The following ACSS2 variants were observed in gnomAD, a reference collection of about 807,000 sequenced individuals.
ACSS2 encodes acetyl-coenzyme A synthetase, cytoplasmic.
In ACSS2, 58 loss-of-function variants were observed where a neutral mutation model predicts 90.6. The observed-to-expected ratio is 0.64, with a 90% confidence interval of 0.52 to 0.80. The LOEUF is 0.80. Ranked by LOEUF, ACSS2 falls within the 30% of genes least tolerant of loss-of-function variation. ACSS2 has a pLI of 0.00. For missense variants in ACSS2, 759 were observed against 912.0 expected (o/e 0.83, Z 2.16); for synonymous variants, 300 against 330.9 (o/e 0.91, Z 1.01).
chr20:34,890,307 G>C (rs1161526259), intron 2 of ACSS2, among the ~76,000 whole-genome samples: 1 of 152,168 alleles, frequency 6.6e-6, no homozygotes, highest in African/African-American at 2.4e-5. Flanking sequence ...ACAGACTTTG[G>C]TTCCAACTTT....
chr20:34,876,846 C>T (rs2079926358), intron 1 of ACSS2, 23 bp downstream of exon 1: 8 of 1,269,396 alleles, frequency 6.3e-6, no homozygotes, highest in South Asian at 5.7e-5. Flanking sequence ...CCGGGCGGGC[C>T]TGGGGTGTCA....
rs558253331 is a variant in ACSS2, at chr20:34,914,350, G to T, written c.747G>T (p.Val249=). The change falls in exon 7 of 18, where the codon GTG becomes GTT. Residue 249 remains valine, a synonymous_variant. Transcript: ENST00000360596. ...EKGFPVRCCI[V]VKHLGRAELG... ...GTTTCCCAGTAAGATGCTGCATTGT[G>T]GTCAAGCACCTGGGGCGGGCAGAGC... is the stretch of plus-strand genomic sequence containing the variant. The T allele has an allele frequency of 9.9e-6, 16 of 1,613,786 alleles. No individual in the cohort carries two copies. In the South Asian group the frequency reaches 1.5e-4, roughly 16 times the overall value.
chr20:34,919,294 C>T, intron 7 of ACSS2, 141 bp from the exon 8 acceptor site: 1 of 1,328,748 alleles, frequency 7.5e-7, no homozygotes, highest in South Asian at 1.3e-5. Context: ...TCTTTCTGTT[C>T]CATTCCATCC....
intron 2 of ACSS2, among the ~76,000 whole-genome samples, chr20:34,905,556 G>A (rs1431145114): frequency 6.6e-6 from 1 of 152,162 alleles, no homozygotes; most frequent in Non-Finnish European, 1.5e-5. Context: ...CACCGTGCCT[G>A]GCCAATTCAA....
chr20:34,878,025 C>G (rs530387087), intron 1 of ACSS2, among the ~76,000 whole-genome samples: 4 of 152,158 alleles, frequency 2.6e-5, no homozygotes, highest in Non-Finnish European at 5.9e-5. Flanking sequence ...CCTGCATCTC[C>G]TGGGCTCATG....
At position 34,882,450 on chromosome 20, in the gene ACSS2, C is replaced by T. The variant is rs571073520; in HGVS notation, c.179-344C>T. On this transcript the variant is annotated intron_variant, in intron 1 of 17. Transcript: ENST00000360596. The stretch of plus-strand genomic sequence containing the variant: ...CAGCCTGGCCAACATAGTGAAACCC[C>T]GTCTCTACTAAAAATACAAAAATTA... Among the ~76,000 whole-genome samples, 217 of 152,038 alleles carry T rather than the reference C, an allele frequency of 1.4e-3. 1 individual carries two copies. Among genetic ancestry groups the T allele is most frequent in the African/African-American group, 5.0e-3 (206 of 41,468 alleles).
chr20:34,878,565 A>C (rs1056911444), intron 1 of ACSS2, among the ~76,000 whole-genome samples: 2 of 152,230 alleles, frequency 1.3e-5, no homozygotes, highest in Non-Finnish European at 2.9e-5. Context: ...CAAGTAATGC[A>C]AGACAGGATT....
Position 34,882,989 on chromosome 20 carries a change from G to A in ACSS2, c.374G>A (p.Trp125Ter). The A allele has an allele frequency of 6.3e-7, 1 of 1,599,382 alleles. No individual in the cohort carries two copies. The highest frequency in any genetic ancestry group is 1.7e-5 in the Admixed American group (1 of 57,362). ...CTTGGAGATAAAGTTGCTTTTTACT[G>A]GTAAAAATATCTATCTTATACTTGG... Reference protein sequence around the residue: ...KKLGDKVAFYWEGNEPGETTQ... With the variant: ...KKLGDKVAFY The change falls in exon 2 of 18, where the codon TGG (tryptophan) becomes TAG (stop). Residue 125 changes from tryptophan to a stop codon, truncating the protein, a stop_gained and splice_region_variant. Coordinates refer to ENST00000360596, the MANE Select transcript of ACSS2 (RefSeq NM_018677.4). LOFTEE classifies it high-confidence loss of function.
rs2081151614 is a variant in ACSS2, at chr20:34,919,582, T to A, written c.972+10T>A. 2.9e-6 allele frequency: 2 copies of A among 700,934 alleles called. No individual in the cohort carries two copies. Among genetic ancestry groups the A allele is most frequent in the Middle Eastern group, 5.7e-4 (1 of 1,752 alleles). 43.4% of individuals were successfully genotyped at this position (700,934 alleles called of 1,614,324 possible). A position where few individuals can be genotyped will look rare whatever the true frequency, so the allele number is the denominator to read the frequency against. ...CACAGGCAAACCCAAGGCAAGTGTG[T>A]GTGTGTGTGTGTGTGTGTGTGTGTG... is the stretch of plus-strand genomic sequence containing the variant. On this transcript the variant is annotated intron_variant, in intron 8 of 17. Coordinates refer to ENST00000360596, the MANE Select transcript of ACSS2 (RefSeq NM_018677.4).
At chr20:34,900,585 C>T (rs2080633922) in intron 2 of ACSS2, among the ~76,000 whole-genome samples, 1 of 152,178 alleles carries the variant, frequency 6.6e-6, no homozygotes, top group Non-Finnish European at 1.5e-5. Flanking sequence ...AGGCTATTTA[C>T]TCTAGTTTCA....
intron 4 of ACSS2, 120 bp from the exon 5 acceptor site, chr20:34,913,633 A>T (rs2081014123): frequency 8.0e-7 from 1 of 1,256,736 alleles, no homozygotes; most frequent in Admixed American, 1.8e-5. Context: ...CATATTAGTT[A>T]TTCAGTTTCT....
chr20:34,913,101 G>A lies in ACSS2; in HGVS notation c.380G>A (p.Gly127Asp). ...TTCTTTCTGGTATGTCTCAGGGAGG[G>A]CAATGAGCCAGGGGAGACCACTCAG... ...LGDKVAFYWE[G>D]NEPGETTQIT... Residue 127 changes from glycine (G) to aspartate (D), a missense_variant, in exon 3 of 18, where the codon GGC (glycine) becomes GAC (aspartate). Transcript: ENST00000360596. 6.2e-7 allele frequency: 1 copy of A among 1,613,610 alleles called. No homozygotes were observed. The highest frequency in any genetic ancestry group is 8.5e-7 in the Non-Finnish European group (1 of 1,179,572).
chr20:34,876,709 G>A lies in ACSS2; in HGVS notation c.64G>A (p.Ala22Thr), dbSNP rs1303664140. The change falls in exon 1 of 18, where the codon GCC becomes ACC. Residue 22 changes from alanine (A) to threonine (T), a missense_variant. Physicochemically the swap from Ala to Thr is moderately conservative, Grantham distance 58. Transcript: ENST00000360596. ...GAGCCGGGGCCAGGAGGAAGCTGGA[G>A]CCGGAGGCCGGGCGCGGAGTTGGTC... Reference protein sequence around the residue: ...SGSRGQEEAGAGGRARSWSPP... With the variant: ...SGSRGQEEAGTGGRARSWSPP... 2.8e-6 allele frequency: 4 copies of A among 1,443,286 alleles called. No homozygotes were observed. Among genetic ancestry groups the A allele is most frequent in the African/African-American group, 3.0e-5 (2 of 67,388 alleles). The allele number at this position is 1,443,286 out of a possible 1,614,324, so 89.4% of individuals were successfully genotyped here.
chr20:34,906,227 C>T (rs1290772361), intron 2 of ACSS2, among the ~76,000 whole-genome samples: 1 of 150,588 alleles, frequency 6.6e-6, no homozygotes, highest in African/African-American at 2.5e-5. Context: ...CCCAGCTACT[C>T]GGGAGGCTGA....
intron 2 of ACSS2, among the ~76,000 whole-genome samples, chr20:34,886,160 A>G (rs1052461575): frequency 6.6e-6 from 1 of 152,116 alleles, no homozygotes; most frequent in Non-Finnish European, 1.5e-5. Flanking sequence ...TCTTACTACG[A>G]TAGATAAGAA....
intron 7 of ACSS2, among the ~76,000 whole-genome samples, chr20:34,917,270 A>G (rs944860607): frequency 6.6e-6 from 1 of 152,202 alleles, no homozygotes; most frequent in African/African-American, 2.4e-5. Flanking sequence ...CCCCATCTCA[A>G]GTGATCATTT....
At chr20:34,875,598 A>C (rs1291689258), upstream of ACSS2, among the ~76,000 whole-genome samples, 1 of 152,160 alleles carries the variant, frequency 6.6e-6, no homozygotes, top group Non-Finnish European at 1.5e-5. Flanking sequence ...AAAAAAAGAG[A>C]ATGTGAATGA....
chr20:34,901,129 T>G (rs2080646676), intron 2 of ACSS2, among the ~76,000 whole-genome samples: 1 of 152,248 alleles, frequency 6.6e-6, no homozygotes. Flanking sequence ...TGCTTTAGAA[T>G]AGTGTTGCTA....
Position 34,908,304 on chromosome 20 carries a change from G to T in ACSS2, c.375-4792G>T, listed in dbSNP as rs2147059956. Among the ~76,000 whole-genome samples the T allele has an allele frequency of 2.0e-5, 3 of 152,330 alleles. No homozygotes were observed. In the Middle Eastern group the frequency reaches 0.01, roughly 518 times the overall value. ...TACTATTGCCTACAAGGCTCTACGTGATTTGGCTGCTGCCTACCTCTCATT... is the reference window on the plus strand; with the variant it reads ...TACTATTGCCTACAAGGCTCTACGTTATTTGGCTGCTGCCTACCTCTCATT... On this transcript the variant is annotated intron_variant, in intron 2 of 17. Transcript: ENST00000360596.
Sources: gnomAD v4.1 joint callset for allele counts (sites outside exome capture counted in the v4.1 genomes callset) on GRCh38, gnomAD v4.1.1 for gene constraint, MANE v1.5 for transcripts, NCBI Gene and HGNC (gene_info 2026-07-23, HGNC 2026-07-21) for gene names.